ARHGEF10: variants seen among roughly 807,000 people sequenced by gnomAD.
ARHGEF10 encodes the protein Rho guanine nucleotide exchange factor (GEF) 10.
In ARHGEF10, 140 loss-of-function variants were observed where a neutral mutation model predicts 147.4. The ratio of observed to expected loss-of-function variants is 0.95; its 90% CI spans 0.83 to 1.09. The LOEUF is 1.09. ARHGEF10 is among the 50% of genes least tolerant of loss of function. The pLI, the probability that ARHGEF10 is intolerant of heterozygous loss-of-function variation, is 0.00. For missense variants in ARHGEF10, 2,222 were observed against 1,752.7 expected (o/e 1.27, Z -4.78); for synonymous variants, 902 against 695.8 (o/e 1.30, Z -4.67).
At chr8:1,898,582 T>G (rs1810207228) in intron 15 of ARHGEF10, 57 bp downstream of exon 15, 2 of 1,538,734 alleles carry the variant, frequency 1.3e-6, no homozygotes, top group Non-Finnish European at 1.8e-6. Flanking sequence ...CATGACTCAT[T>G]TGAAAATGGC....
intron 8 of ARHGEF10, 35 bp from the exon 9 acceptor site, chr8:1,880,013 T>A (rs1808045606): frequency 6.7e-7 from 1 of 1,486,960 alleles, no homozygotes; most frequent in Non-Finnish European, 9.4e-7. Context: ...AAAAAGAGCC[T>A]TTTTGTGAAA....
chr8:1,955,850 C>A (rs1380622136), intron 28 of ARHGEF10, among the ~76,000 whole-genome samples: 1 of 152,258 alleles, frequency 6.6e-6, no homozygotes, highest in Admixed American at 6.5e-5. Context: ...GTGCAGGGAT[C>A]ACAGGTGTGT....
rs368429109 is a variant in ARHGEF10 at position 1,923,094 on chromosome 8, A to G, written c.2259+15A>G. ...GAAACTATCAGGTAACAATTGAAGC[A>G]ATTGGATTTAAGATTCTGCCTTTAC... On this transcript the variant is annotated intron_variant, in intron 19 of 28. Transcript: ENST00000349830. The G allele has an allele frequency of 1.3e-6, 2 of 1,545,854 alleles. No individual in the cohort carries two copies. The highest frequency in any genetic ancestry group is 1.4e-5 in the African/African-American group (1 of 73,642).
At chr8:1,856,975 C>T (rs1340234143) in intron 2 of ARHGEF10, among the ~76,000 whole-genome samples, 1 of 152,188 alleles carries the variant, frequency 6.6e-6, no homozygotes, top group East Asian at 1.9e-4. Flanking sequence ...CTGATGGTGG[C>T]ACACAGTCCT....
At chr8:1,956,364 G>T (rs777932422) in intron 28 of ARHGEF10, among the ~76,000 whole-genome samples, 1 of 152,158 alleles carries the variant, frequency 6.6e-6, no homozygotes, top group African/African-American at 2.4e-5. Flanking sequence ...CATTTCAGGC[G>T]TTAATATTTC....
At chr8:1,872,153 TATAA>T (rs1236241765) in intron 7 of ARHGEF10, among the ~76,000 whole-genome samples, 5 of 152,150 alleles carry the variant, frequency 3.3e-5, no homozygotes, top group African/African-American at 1.2e-4. Context: ...AAGAGGATGC[TATAA>T]ATAACTTTTT....
rs1433325574 is a variant in ARHGEF10, at chr8:1,930,583, C to CAT, written c.3079+1141_3079+1142dup. Among the ~76,000 whole-genome samples, 3 of 151,444 alleles carry CAT rather than the reference C, an allele frequency of 2.0e-5. No individual in the cohort carries two copies. The East Asian group carries it at 5.9e-4, about 30-fold the overall frequency. ...CAGTCCTTGTTCCTTGCTCACAAGG[C>CAT]ATTCTGCCCTCCAACCACCCCCGTT... is the stretch of plus-strand genomic sequence containing the variant. On this transcript the variant is annotated intron_variant, in intron 25 of 28. Transcript: ENST00000349830.
intron 21 of ARHGEF10, among the ~76,000 whole-genome samples, chr8:1,924,968 A>T (rs1812574048): frequency 6.6e-6 from 1 of 152,230 alleles, no homozygotes; most frequent in Non-Finnish European, 1.5e-5. Context: ...CTGGAGAAAG[A>T]TAAAGGGAAG....
intron 2 of ARHGEF10, among the ~76,000 whole-genome samples, chr8:1,853,804 G>A (rs1805335972): frequency 6.6e-6 from 1 of 152,208 alleles, no homozygotes. Flanking sequence ...AGCGCCCGCC[G>A]GCTGTGGGCA....
intron 1 of ARHGEF10, chr8:1,826,252 C>A: frequency 2.1e-6 from 2 of 958,044 alleles, no homozygotes; most frequent in Non-Finnish European, 3.2e-6. Context: ...AAAGTTGATG[C>A]TTGACTTCCA....
intron 19 of ARHGEF10, 46 bp from the exon 20 acceptor site, chr8:1,923,422 T>G: frequency 6.2e-7 from 1 of 1,613,724 alleles, no homozygotes; most frequent in Non-Finnish European, 8.5e-7. Flanking sequence ...GGGATGGCCC[T>G]AGTTTTTAAA....
intron 11 of ARHGEF10, among the ~76,000 whole-genome samples, chr8:1,886,843 A>G (rs753420393): frequency 3.9e-5 from 6 of 152,160 alleles, no homozygotes; most frequent in Non-Finnish European, 8.8e-5. Flanking sequence ...GTCTGATCTC[A>G]GTCTCTCCCA....
At chr8:1,950,192 C>T (rs1286592715) in intron 27 of ARHGEF10, among the ~76,000 whole-genome samples, 1 of 152,220 alleles carries the variant, frequency 6.6e-6, no homozygotes, top group Non-Finnish European at 1.5e-5. Flanking sequence ...CAGCGGACCT[C>T]ACGTGGGCTC....
intron 15 of ARHGEF10, among the ~76,000 whole-genome samples, chr8:1,901,031 G>C (rs1389550049): frequency 6.6e-6 from 1 of 152,140 alleles, no homozygotes; most frequent in Non-Finnish European, 1.5e-5. Flanking sequence ...GAGTGTTCTC[G>C]GAGGGGAGCA....
intron 2 of ARHGEF10, among the ~76,000 whole-genome samples, chr8:1,853,563 C>T (rs1027045592): frequency 1.3e-5 from 2 of 152,240 alleles, no homozygotes; most frequent in South Asian, 2.1e-4. Context: ...TTTTGAGAAG[C>T]GGGAATTCCT....
intron 26 of ARHGEF10, among the ~76,000 whole-genome samples, chr8:1,934,438 T>C (rs1813409664): frequency 6.6e-6 from 1 of 151,688 alleles, no homozygotes; most frequent in Non-Finnish European, 1.5e-5. Context: ...AAAATTCAAC[T>C]AACCATTTTT....
intron 17 of ARHGEF10, among the ~76,000 whole-genome samples, chr8:1,908,528 G>T (rs558108097): frequency 6.6e-6 from 1 of 152,062 alleles, no homozygotes; most frequent in Admixed American, 6.5e-5. Context: ...CACCGCGCCC[G>T]GCCCACACTT....
At chr8:1,890,891 C>T (rs1051376543) in intron 11 of ARHGEF10, among the ~76,000 whole-genome samples, 1 of 152,144 alleles carries the variant, frequency 6.6e-6, no homozygotes, top group African/African-American at 2.4e-5. Flanking sequence ...AGTGACTGTT[C>T]ATTGTTTTAT....
intron 26 of ARHGEF10, among the ~76,000 whole-genome samples, chr8:1,940,986 G>A (rs1263256413): frequency 6.6e-6 from 1 of 152,154 alleles, no homozygotes; most frequent in Non-Finnish European, 1.5e-5. Flanking sequence ...CCTGCCAAAG[G>A]ACATCTATAA....
Sources: gnomAD v4.1 joint callset for allele counts (sites outside exome capture counted in the v4.1 genomes callset) on GRCh38, gnomAD v4.1.1 for gene constraint, MANE v1.5 for transcripts, NCBI Gene and HGNC (gene_info 2026-07-23, HGNC 2026-07-21) for gene names.